Variants in CDADC1 observed in about 807,000 individuals in gnomAD.
The protein encoded by CDADC1 is dCTP deaminase.
CDADC1 carries 39 observed loss-of-function variants against 54.9 expected under a neutral mutation model. The ratio of observed to expected loss-of-function variants is 0.71; its 90% CI spans 0.55 to 0.93. CDADC1 has a LOEUF of 0.93. CDADC1 is among the 40% of genes least tolerant of loss of function. The pLI is 0.00. For synonymous variants in CDADC1, 186 were observed against 204.0 expected (o/e 0.91, Z 0.75); for missense variants, 518 against 618.8 (o/e 0.84, Z 1.73).
intron 8 of CDADC1, among the ~76,000 whole-genome samples, chr13:49,281,127 C>T (rs1953320425): frequency 6.6e-6 from 1 of 152,128 alleles, no homozygotes; most frequent in African/African-American, 2.4e-5. Context: ...AGCCACCGCG[C>T]CCGGCCGAGT....
At chr13:49,265,175 A>T (rs946244914) in intron 4 of CDADC1, among the ~76,000 whole-genome samples, 2 of 152,252 alleles carry the variant, frequency 1.3e-5, no homozygotes, top group Non-Finnish European at 2.9e-5. Context: ...TTATTAAAGT[A>T]TAAGGTGCAT....
chr13:49,257,661 C>T (rs780486931), intron 3 of CDADC1, among the ~76,000 whole-genome samples: 16 of 152,152 alleles, frequency 1.1e-4, no homozygotes, highest in Non-Finnish European at 2.1e-4. Context: ...ACTCCACGGG[C>T]TGAGGCAGGA....
intron 4 of CDADC1, among the ~76,000 whole-genome samples, chr13:49,261,766 A>G (rs975354367): frequency 6.6e-6 from 1 of 152,260 alleles, no homozygotes; most frequent in Admixed American, 6.5e-5. Context: ...TGCTGAAAGC[A>G]GTCTTAATAG....
Position 49,252,433 on chromosome 13 carries a change from C to T in CDADC1, c.178-3406C>T, listed in dbSNP as rs561719748. 1.3e-4 allele frequency among the ~76,000 whole-genome samples: 20 copies of T among 152,120 alleles called. No individual in the cohort carries two copies. In the East Asian group the frequency reaches 3.1e-3, roughly 23 times the overall value. ...TATGAGAAAAATGTGTTTTAAATTCCGAAAAGGGAGATTTACCAAGTATTT... is the reference window on the plus strand; with the variant it reads ...TATGAGAAAAATGTGTTTTAAATTCTGAAAAGGGAGATTTACCAAGTATTT... On this transcript the variant is annotated intron_variant, in intron 2 of 9. Coordinates refer to ENST00000251108, the MANE Select transcript of CDADC1 (RefSeq NM_030911.4).
In CDADC1 at chr13:49,292,553, T is replaced by A; in HGVS notation, c.*796T>A. The stretch of plus-strand genomic sequence containing the variant: ...ATAAATGCTGCTCCCCCATATAGTC[T>A]TCCCTTCTGTATAATTAACATAGGT... On this transcript the variant is annotated 3_prime_UTR_variant, in exon 10 of 10. Transcript: ENST00000251108. 1 of 1,109,938 alleles carries A rather than the reference T, an allele frequency of 9.0e-7. No individual in the cohort carries two copies. Among genetic ancestry groups the A allele is most frequent in the Non-Finnish European group, 1.1e-6 (1 of 902,594 alleles). The allele number at this position is 1,109,938 out of a possible 1,614,324, so 68.8% of individuals were successfully genotyped here. A position where few individuals can be genotyped will look rare whatever the true frequency, so the allele number is the denominator to read the frequency against.
chr13:49,260,523 CTGT>C (rs1449381444), intron 4 of CDADC1, among the ~76,000 whole-genome samples: 1 of 152,310 alleles, frequency 6.6e-6, no homozygotes, highest in African/African-American at 2.4e-5. Context: ...ATTGTGGGAA[CTGT>C]TGTTCCCACT....
chr13:49,278,519 GGTATGA>G lies in CDADC1; in HGVS notation c.1220+1_1220+6del. 6.7e-7 allele frequency: 1 copy of G among 1,499,762 alleles called. No homozygotes were observed. Among genetic ancestry groups the G allele is most frequent in the Non-Finnish European group, 9.1e-7 (1 of 1,104,570 alleles). 92.9% of individuals were successfully genotyped at this position (1,499,762 alleles called of 1,614,324 possible). On this transcript the variant is annotated splice_donor_variant and splice_donor_5th_base_variant and intron_variant, in intron 7 of 9. Transcript: ENST00000251108. LOFTEE classifies it high-confidence loss of function. Reference sequence around the variant, plus strand: ...GCGGAACAGAATGCCTTGACATTTAGGTATGAAATCCTTCTTGGTGTACTTTTCTTT... The same window carrying G: ...GCGGAACAGAATGCCTTGACATTTAGAATCCTTCTTGGTGTACTTTTCTTT...
intron 2 of CDADC1, among the ~76,000 whole-genome samples, chr13:49,250,881 C>A (rs949867458): frequency 6.6e-6 from 1 of 152,118 alleles, no homozygotes; most frequent in Admixed American, 6.5e-5. Context: ...TCACCCTCAT[C>A]CCCCCACTCT....
At chr13:49,274,154 A>G in intron 5 of CDADC1, 137 bp from the exon 6 acceptor site, 1 of 620,976 alleles carries the variant, frequency 1.6e-6, no homozygotes, top group African/African-American at 1.9e-5. Context: ...ACTTTTCTGT[A>G]ATTAGTGAAG....
At chr13:49,276,268 T>C (rs1211225088) in intron 6 of CDADC1, among the ~76,000 whole-genome samples, 1 of 152,160 alleles carries the variant, frequency 6.6e-6, no homozygotes, top group Non-Finnish European at 1.5e-5. Context: ...GGACAGTGCA[T>C]TCCAAGAATG....
chr13:49,287,962 G>T (rs1183501024), intron 9 of CDADC1, among the ~76,000 whole-genome samples: 4 of 145,582 alleles, frequency 2.7e-5, no homozygotes, highest in African/African-American at 1.0e-4. Flanking sequence ...AACAGAGTGA[G>T]ACCCTGCCTT....
intron 5 of CDADC1, among the ~76,000 whole-genome samples, chr13:49,270,433 G>T (rs1399208788): frequency 6.6e-6 from 1 of 152,022 alleles, no homozygotes; most frequent in Non-Finnish European, 1.5e-5. Context: ...GCCCAAGCTG[G>T]TCTCGAACTC....
chr13:49,267,804 G>C lies in CDADC1; in HGVS notation c.745G>C (p.Glu249Gln). ...AATGTTATTTTTGGTTTCAAATGAA[G>C]AAATGCATAAGCAAATACTGATGAC... ...YEMLFLVSNE[E>Q]MHKQILMTIG... Residue 249 changes from glutamate to glutamine, a missense_variant, in exon 5 of 10, where the codon GAA (glutamate) becomes CAA (glutamine). Transcript: ENST00000251108. 1 of 1,612,896 alleles carries C rather than the reference G, an allele frequency of 6.2e-7. No homozygotes were observed. Among genetic ancestry groups the C allele is most frequent in the African/African-American group, 1.3e-5 (1 of 75,006 alleles).
intron 5 of CDADC1, among the ~76,000 whole-genome samples, chr13:49,273,322 T>C (rs1464250296): frequency 6.6e-6 from 1 of 152,138 alleles, no homozygotes; most frequent in Non-Finnish European, 1.5e-5. Flanking sequence ...TGCCTTAGGG[T>C]AAGTTCACAG....
chr13:49,257,831 TAAAC>T (rs755272860), intron 3 of CDADC1, among the ~76,000 whole-genome samples: 13 of 152,248 alleles, frequency 8.5e-5, no homozygotes, highest in South Asian at 4.2e-4. Flanking sequence ...AATAAATAAA[TAAAC>T]AAACTTATTG....
intron 6 of CDADC1, among the ~76,000 whole-genome samples, chr13:49,277,340 A>G (rs1320049351): frequency 2.0e-5 from 3 of 151,900 alleles, no homozygotes; most frequent in Non-Finnish European, 2.9e-5. Flanking sequence ...GCATAGTGAC[A>G]TACGCCTGTG....
intron 3 of CDADC1, among the ~76,000 whole-genome samples, chr13:49,257,757 C>T (rs546272821): frequency 6.6e-6 from 1 of 152,054 alleles, no homozygotes; most frequent in Non-Finnish European, 1.5e-5. Flanking sequence ...GTGAGACTGT[C>T]TCAAATCAAT....
At chr13:49,288,873 TA>T (rs1271738402) in intron 9 of CDADC1, among the ~76,000 whole-genome samples, 1 of 152,108 alleles carries the variant, frequency 6.6e-6, no homozygotes, top group Non-Finnish European at 1.5e-5. Flanking sequence ...AATATTCTCC[TA>T]AGAACAAAAT....
chr13:49,285,915 G>A (rs1953501322), intron 8 of CDADC1, among the ~76,000 whole-genome samples: 1 of 151,688 alleles, frequency 6.6e-6, no homozygotes, highest in South Asian at 2.1e-4. Flanking sequence ...CCAGGTTCAA[G>A]CAATTCTCTT....
Sources: gnomAD v4.1 joint callset for allele counts (sites outside exome capture counted in the v4.1 genomes callset) on GRCh38, gnomAD v4.1.1 for gene constraint, MANE v1.5 for transcripts, NCBI Gene and HGNC (gene_info 2026-07-23, HGNC 2026-07-21) for gene names.